NUDCD1: variants seen among roughly 807,000 people sequenced by gnomAD.
NUDCD1 encodes NudC domain containing 1.
Under a neutral mutation model 67.8 loss-of-function variants are expected in NUDCD1, and 60 were observed. The ratio of observed to expected loss-of-function variants is 0.88; its 90% CI spans 0.72 to 1.10. The LOEUF is 1.10. NUDCD1 is among the 50% of genes least tolerant of loss of function. The probability of loss-of-function intolerance (pLI) is 0.00; values close to 1 mark genes in which losing one functional copy is unlikely to be tolerated. For synonymous variants in NUDCD1, 244 were observed against 230.8 expected (o/e 1.06, Z -0.52); for missense variants, 643 against 695.0 (o/e 0.93, Z 0.84).
At chr8:109,312,584 G>A (rs1024041318) in intron 2 of NUDCD1, among the ~76,000 whole-genome samples, 1 of 151,440 alleles carries the variant, frequency 6.6e-6, no homozygotes, top group African/African-American at 2.4e-5. Flanking sequence ...TGTACACGAA[G>A]ATCCACGTAA....
intron 8 of NUDCD1, among the ~76,000 whole-genome samples, chr8:109,247,352 T>A (rs1214799866): frequency 6.6e-6 from 1 of 152,140 alleles, no homozygotes; most frequent in African/African-American, 2.4e-5. Flanking sequence ...GTATTGAATA[T>A]TATGAGGATT....
At chr8:109,285,732 T>C (rs1223699983) in intron 5 of NUDCD1, among the ~76,000 whole-genome samples, 2 of 151,982 alleles carry the variant, frequency 1.3e-5, no homozygotes, top group Non-Finnish European at 2.9e-5. Flanking sequence ...AACGAAGCAT[T>C]CCTCTTGAGA....
chr8:109,268,886 G>GGAA (rs1814073545), intron 8 of NUDCD1, among the ~76,000 whole-genome samples: 1 of 152,106 alleles, frequency 6.6e-6, no homozygotes, highest in Non-Finnish European at 1.5e-5. Context: ...ATGGGATTAT[G>GGAA]TCAAAACTAA....
intron 8 of NUDCD1, among the ~76,000 whole-genome samples, chr8:109,254,081 G>C (rs1009565256): frequency 6.6e-5 from 10 of 152,104 alleles, no homozygotes; most frequent in Non-Finnish European, 1.5e-5. Flanking sequence ...TGGTAGCCAA[G>C]AGCAAAACAG....
At chr8:109,316,303 A>G (rs1356617584) in intron 2 of NUDCD1, 1 of 152,200 alleles carries the variant, frequency 6.6e-6, no homozygotes, top group African/African-American at 2.4e-5. Context: ...TTTTGTAAGG[A>G]GAGTATTCTG....
chr8:109,317,387 A>T (rs1291973011), intron 2 of NUDCD1, among the ~76,000 whole-genome samples: 1 of 152,140 alleles, frequency 6.6e-6, no homozygotes. Flanking sequence ...AACAAGAAAT[A>T]AGGAGAACTG....
Position 109,334,047 on chromosome 8 carries a change from C to T in NUDCD1, c.-37G>A. 2 of 1,613,302 alleles carry T rather than the reference C, an allele frequency of 1.2e-6. No homozygotes were observed. The highest frequency in any genetic ancestry group is 1.7e-6 in the Non-Finnish European group (2 of 1,179,526). On this transcript the variant is annotated 5_prime_UTR_variant, in exon 1 of 10. Transcript: ENST00000239690. ...GCCGCAGCGTGAGAATTAATAAAGC[C>T]CTTGTTGAAAGGTCCGCGCTTCACG...
At chr8:109,299,549 C>G (rs1414735598) in intron 2 of NUDCD1, among the ~76,000 whole-genome samples, 3 of 152,178 alleles carry the variant, frequency 2.0e-5, no homozygotes, top group Non-Finnish European at 4.4e-5. Flanking sequence ...GAACATAACT[C>G]CATTGACCTG....
intron 4 of NUDCD1, among the ~76,000 whole-genome samples, chr8:109,290,632 A>C (rs1226435363): frequency 6.6e-6 from 1 of 152,186 alleles, no homozygotes; most frequent in Non-Finnish European, 1.5e-5. Flanking sequence ...GCTACTTTTA[A>C]GATATAAACA....
chr8:109,269,062 T>C (rs1158206692), intron 8 of NUDCD1, among the ~76,000 whole-genome samples: 4 of 152,208 alleles, frequency 2.6e-5, no homozygotes, highest in Non-Finnish European at 4.4e-5. Flanking sequence ...TATTCATTTC[T>C]TGAGATCCAA....
chr8:109,270,067 C>CGGGGGGGGGG (rs1171291973), intron 8 of NUDCD1, among the ~76,000 whole-genome samples: 1 of 4,570 alleles, frequency 2.2e-4, no homozygotes, highest in African/African-American at 1.1e-3. Flanking sequence ...GTGGCGGGGG[C>CGGGGGGGGGG]GGGGGGGGGG....
At chr8:109,314,486 G>A (rs1815339992) in intron 2 of NUDCD1, among the ~76,000 whole-genome samples, 1 of 151,982 alleles carries the variant, frequency 6.6e-6, no homozygotes, top group South Asian at 2.1e-4. Context: ...AAAATGACAG[G>A]GCCAAGACTC....
At chr8:109,327,797 C>G (rs1017488351) in intron 1 of NUDCD1, among the ~76,000 whole-genome samples, 13 of 152,190 alleles carry the variant, frequency 8.5e-5, no homozygotes, top group African/African-American at 2.2e-4. Flanking sequence ...CTGAAACTTC[C>G]CCACTCGCAA....
rs183308436 is a variant in NUDCD1 at position 109,309,686 on chromosome 8, A to G, written c.273+12623T>C. On this transcript the variant is annotated intron_variant, in intron 2 of 9. Coordinates refer to ENST00000239690, the MANE Select transcript of NUDCD1 (RefSeq NM_032869.4). ...CAAACCGTTGCTGTTTACTGATGATATAACTATTTACCTAGAAAACCCTAA... is the reference window on the plus strand; with the variant it reads ...CAAACCGTTGCTGTTTACTGATGATGTAACTATTTACCTAGAAAACCCTAA... Among the ~76,000 whole-genome samples, 179 of 152,318 alleles carry G rather than the reference A, an allele frequency of 1.2e-3. 1 individual carries two copies. The highest frequency in any genetic ancestry group is 3.2e-3 in the African/African-American group (132 of 41,560).
intron 1 of NUDCD1, among the ~76,000 whole-genome samples, chr8:109,329,448 A>G (rs1815754054): frequency 6.6e-6 from 1 of 152,210 alleles, no homozygotes; most frequent in Non-Finnish European, 1.5e-5. Context: ...CCAATGTAAA[A>G]GAGAAAAATC....
At chr8:109,311,559 G>GTGTGTACATATA in intron 2 of NUDCD1, among the ~76,000 whole-genome samples, 1 of 125,120 alleles carries the variant, frequency 8.0e-6, no homozygotes, top group Admixed American at 7.5e-5. Flanking sequence ...AAACTGTGGT[G>GTGTGTACATATA]TATATATATA....
chr8:109,329,250 C>A (rs1409899668), intron 1 of NUDCD1, among the ~76,000 whole-genome samples: 1 of 152,012 alleles, frequency 6.6e-6, no homozygotes, highest in Non-Finnish European at 1.5e-5. Context: ...CTTCTGTGAT[C>A]TAAAAATGTG....
chr8:109,257,207 A>G (rs1360050655), intron 8 of NUDCD1, among the ~76,000 whole-genome samples: 2 of 152,132 alleles, frequency 1.3e-5, no homozygotes, highest in African/African-American at 4.8e-5. Flanking sequence ...AAGAAGTTAA[A>G]CTGTCTTTAT....
At chr8:109,311,623 T>C (rs1815254752) in intron 2 of NUDCD1, among the ~76,000 whole-genome samples, 1 of 149,042 alleles carries the variant, frequency 6.7e-6, no homozygotes, top group Non-Finnish European at 1.5e-5. Context: ...GCATTCACAG[T>C]GACCTGGATG....
Sources: allele counts gnomAD v4.1 joint callset (sites outside exome capture counted in the v4.1 genomes callset), GRCh38; gene constraint gnomAD v4.1.1; transcripts MANE v1.5; gene names NCBI Gene and HGNC (gene_info 2026-07-23, HGNC 2026-07-21).